Variants in EBF1 observed in about 807,000 individuals in gnomAD.
EBF1 encodes EBF transcription factor 1.
EBF1 carries 10 observed loss-of-function variants against 68.4 expected under a neutral mutation model. That is an observed-to-expected ratio of 0.15 (90% CI 0.09 to 0.25). EBF1 has a LOEUF of 0.25. Ranked by LOEUF, EBF1 falls within the 10% of genes least tolerant of loss-of-function variation. The probability of loss-of-function intolerance (pLI) is 1.00; values close to 1 mark genes in which losing one functional copy is unlikely to be tolerated. For missense variants in EBF1, 509 were observed against 794.4 expected (o/e 0.64, Z 4.32); for synonymous variants, 298 against 299.8 (o/e 0.99, Z 0.06).
In EBF1 at chr5:158,698,591, T is replaced by C; in HGVS notation, c.*520A>G. ...TGCTTTAAGGCGCAAAAGCCGACCC[T>C]TAGTTTTTCTAAAAAATCTAACTGG... On this transcript the variant is annotated 3_prime_UTR_variant, in exon 16 of 16. Coordinates refer to ENST00000313708, the MANE Select transcript of EBF1 (RefSeq NM_024007.5). 4.5e-6 allele frequency: 1 copy of C among 221,038 alleles called. No homozygotes were observed. Among genetic ancestry groups the C allele is most frequent in the Admixed American group, 5.8e-5 (1 of 17,360 alleles). 13.7% of individuals were successfully genotyped at this position (221,038 alleles called of 1,614,324 possible). A position where few individuals can be genotyped will look rare whatever the true frequency, so the allele number is the denominator to read the frequency against.
intron 6 of EBF1, among the ~76,000 whole-genome samples, chr5:158,962,611 A>G (rs1007421036): frequency 2.6e-5 from 4 of 152,220 alleles, no homozygotes; most frequent in African/African-American, 4.8e-5. Context: ...TCCTCAGTTA[A>G]CTAGCATTGC....
intron 15 of EBF1, among the ~76,000 whole-genome samples, chr5:158,701,200 T>C (rs17706508): frequency 0.14 from 22,033 of 152,080 alleles, 1,678 homozygotes; most frequent in Admixed American, 0.16. Context: ...CAAAATCTAT[T>C]CTGCGTGCCT....
chr5:159,096,938 C>T (rs1022024414), intron 2 of EBF1, 36 bp downstream of exon 2: 21 of 1,607,804 alleles, frequency 1.3e-5, no homozygotes, highest in Non-Finnish European at 1.6e-5. Flanking sequence ...CCGAGCCGAG[C>T]CGGGGACGAG....
chr5:158,907,513 C>T (rs1309203548), intron 6 of EBF1, among the ~76,000 whole-genome samples: 1 of 152,090 alleles, frequency 6.6e-6, no homozygotes, highest in Non-Finnish European at 1.5e-5. Context: ...CACTGAGATG[C>T]CCCATATAAA....
At chr5:158,858,606 TC>T (rs1260848771) in intron 6 of EBF1, among the ~76,000 whole-genome samples, 1 of 152,128 alleles carries the variant, frequency 6.6e-6, no homozygotes, top group African/African-American at 2.4e-5. Flanking sequence ...TCCCTGGCTG[TC>T]CCCCAAAATC....
chr5:158,863,843 A>T (rs1395394962), intron 6 of EBF1, among the ~76,000 whole-genome samples: 1 of 152,180 alleles, frequency 6.6e-6, no homozygotes, highest in Non-Finnish European at 1.5e-5. Flanking sequence ...TTTTACGTAA[A>T]TGATGCCAAA....
At chr5:158,966,220 C>A (rs952611212) in intron 6 of EBF1, among the ~76,000 whole-genome samples, 11 of 152,120 alleles carry the variant, frequency 7.2e-5, no homozygotes, top group African/African-American at 2.7e-4. Context: ...GAACTTCACA[C>A]CCAACTTTCC....
chr5:158,827,769 GA>G (rs1465732196), intron 7 of EBF1, among the ~76,000 whole-genome samples: 1 of 152,162 alleles, frequency 6.6e-6, no homozygotes, highest in East Asian at 1.9e-4. Flanking sequence ...AGTTTGTGGG[GA>G]AGAAGGGGTT....
At chr5:158,770,034 T>C (rs1371033595) in intron 10 of EBF1, among the ~76,000 whole-genome samples, 1 of 152,182 alleles carries the variant, frequency 6.6e-6, no homozygotes, top group Non-Finnish European at 1.5e-5. Flanking sequence ...CAATTCTTTC[T>C]GAGTTTGCTT....
intron 6 of EBF1, among the ~76,000 whole-genome samples, chr5:158,953,018 T>C (rs1198715028): frequency 6.6e-6 from 1 of 152,044 alleles, no homozygotes; most frequent in East Asian, 1.9e-4. Context: ...CAAGTGAGCA[T>C]TACAAAGCTC....
chr5:158,835,849 G>A (rs1788659946), intron 7 of EBF1, among the ~76,000 whole-genome samples: 1 of 152,044 alleles, frequency 6.6e-6, no homozygotes, highest in South Asian at 2.1e-4. Flanking sequence ...TTCTTAATAA[G>A]GGTATTTTGA....
chr5:158,954,665 G>A (rs561352829), intron 6 of EBF1, among the ~76,000 whole-genome samples: 7 of 152,162 alleles, frequency 4.6e-5, no homozygotes, highest in Non-Finnish European at 7.3e-5. Flanking sequence ...TTACCAATGC[G>A]GTCAGTAGCG....
chr5:159,002,370 T>G (rs1762712055), intron 6 of EBF1, among the ~76,000 whole-genome samples: 1 of 152,218 alleles, frequency 6.6e-6, no homozygotes, highest in South Asian at 2.1e-4. Flanking sequence ...TAAACAGCCA[T>G]GCCCTCACTG....
At chr5:159,061,159 C>A (rs948920345) in intron 6 of EBF1, among the ~76,000 whole-genome samples, 1 of 151,946 alleles carries the variant, frequency 6.6e-6, no homozygotes, top group Non-Finnish European at 1.5e-5. Flanking sequence ...TAAATCACTC[C>A]TCGCTCGACA....
At chr5:158,789,070 T>G (rs1349317105) in intron 9 of EBF1, among the ~76,000 whole-genome samples, 2 of 152,144 alleles carry the variant, frequency 1.3e-5, no homozygotes, top group Admixed American at 6.6e-5. Flanking sequence ...TTCTTCAAAG[T>G]CATATTCAAA....
rs145027177 is a variant in EBF1, at chr5:158,803,707, T to C, written c.779-7232A>G. The stretch of plus-strand genomic sequence containing the variant: ...ACAAACAAATTTGACAGTTTCCTCA[T>C]GCAAGGTGTAGCAGCCTTTATAACA... On this transcript the variant is annotated intron_variant, in intron 8 of 15. Transcript: ENST00000313708. 2.2e-3 allele frequency among the ~76,000 whole-genome samples: 334 copies of C among 152,148 alleles called. 2 individuals carry two copies. Among genetic ancestry groups the C allele is most frequent in the African/African-American group, 6.7e-3 (277 of 41,542 alleles).
intron 6 of EBF1, chr5:158,983,125 A>G (rs1296819172): frequency 6.6e-6 from 1 of 152,134 alleles, no homozygotes; most frequent in African/African-American, 2.4e-5. Context: ...CATTTCAATC[A>G]AATTACTGTG....
intron 8 of EBF1, among the ~76,000 whole-genome samples, chr5:158,806,678 A>G (rs1282083752): frequency 6.6e-6 from 1 of 152,194 alleles, no homozygotes; most frequent in Non-Finnish European, 1.5e-5. Context: ...GAATGTGCAC[A>G]TAAACATTTT....
At chr5:158,903,206 C>T (rs1342144552) in intron 6 of EBF1, among the ~76,000 whole-genome samples, 2 of 152,172 alleles carry the variant, frequency 1.3e-5, no homozygotes, top group Admixed American at 6.5e-5. Context: ...GCTCCCCTTC[C>T]CCGGGTCAGC....
Sources: allele counts gnomAD v4.1 joint callset (sites outside exome capture counted in the v4.1 genomes callset), GRCh38; gene constraint gnomAD v4.1.1; transcripts MANE v1.5; gene names NCBI Gene and HGNC (gene_info 2026-07-23, HGNC 2026-07-21).